RIT2: variants seen among roughly 807,000 people sequenced by gnomAD.
RIT2 encodes Ras like without CAAX 2.
Under a neutral mutation model 23.7 loss-of-function variants are expected in RIT2, and 24 were observed. That is an observed-to-expected ratio of 1.01 (90% CI 0.73 to 1.43). RIT2 has a LOEUF of 1.43. RIT2 is among the 40% of genes most tolerant of loss of function. The pLI, the probability that RIT2 is intolerant of heterozygous loss-of-function variation, is 0.00. For synonymous variants in RIT2, 107 were observed against 91.1 expected (o/e 1.17, Z -0.99); for missense variants, 236 against 266.9 (o/e 0.88, Z 0.81).
intron 3 of RIT2, among the ~76,000 whole-genome samples, chr18:42,928,172 T>C (rs1055542989): frequency 1.3e-5 from 2 of 152,004 alleles, no homozygotes; most frequent in Non-Finnish European, 2.9e-5. Context: ...AATTAATAAG[T>C]CCGTCAGTCA....
intron 4 of RIT2, among the ~76,000 whole-genome samples, chr18:42,914,914 G>T (rs562694797): frequency 1.8e-4 from 27 of 151,872 alleles, no homozygotes; most frequent in African/African-American, 6.0e-4. Context: ...ACATTTGTTT[G>T]TAACTTCTTG....
chr18:43,029,774 G>T (rs964256315), intron 2 of RIT2, among the ~76,000 whole-genome samples: 1 of 151,916 alleles, frequency 6.6e-6, no homozygotes, highest in Non-Finnish European at 1.5e-5. Flanking sequence ...GAGAGCAGAG[G>T]AGTAAGATAA....
intron 4 of RIT2, among the ~76,000 whole-genome samples, chr18:42,763,005 C>T (rs73484668): frequency 1.3e-5 from 2 of 152,166 alleles, no homozygotes; most frequent in African/African-American, 4.8e-5. Context: ...TTAGACGGTA[C>T]AACTTACTAT....
chr18:43,094,329 T>G (rs1200204844), intron 1 of RIT2, among the ~76,000 whole-genome samples: 1 of 151,954 alleles, frequency 6.6e-6, no homozygotes, highest in Non-Finnish European at 1.5e-5. Flanking sequence ...TGCTTATAGA[T>G]TAGCTTCAAA....
chr18:42,905,909 G>GAA (rs552401154), intron 4 of RIT2, among the ~76,000 whole-genome samples: 1 of 131,550 alleles, frequency 7.6e-6, no homozygotes, highest in Non-Finnish European at 1.6e-5. Flanking sequence ...GGCTAAGGAG[G>GAA]AAAAAAAAAA....
chr18:43,044,579 G>A (rs974364808), intron 1 of RIT2, among the ~76,000 whole-genome samples: 1 of 152,192 alleles, frequency 6.6e-6, no homozygotes, highest in Non-Finnish European at 1.5e-5. Flanking sequence ...GGGAATCTGA[G>A]ATTGTGATTT....
chr18:42,878,172 T>C (rs1907793764), intron 4 of RIT2, among the ~76,000 whole-genome samples: 1 of 151,152 alleles, frequency 6.6e-6, no homozygotes, highest in Non-Finnish European at 1.5e-5. Context: ...GGCACTGACC[T>C]CCTGTGAGTG....
intron 4 of RIT2, among the ~76,000 whole-genome samples, chr18:42,896,247 A>G (rs964574358): frequency 6.6e-6 from 1 of 152,214 alleles, no homozygotes. Context: ...CTGGGCAACA[A>G]GAGTGAAACT....
In RIT2 at chr18:42,853,450, C is replaced by T. The variant is rs78626779; in HGVS notation, c.426+70122G>A. ...ATTTGGAATAAATTAATAAAATATT[C>T]CTTGCAGAATTTCTAATATTTTATC... is the stretch of plus-strand genomic sequence containing the variant. On this transcript the variant is annotated intron_variant, in intron 4 of 4. Transcript: ENST00000326695. 1.5e-3 allele frequency among the ~76,000 whole-genome samples: 234 copies of T among 152,212 alleles called. 6 individuals carry two copies. In the East Asian group the frequency reaches 0.04, roughly 26 times the overall value.
intron 4 of RIT2, among the ~76,000 whole-genome samples, chr18:42,800,333 G>A (rs1226159915): frequency 1.3e-5 from 2 of 152,034 alleles, no homozygotes; most frequent in South Asian, 2.1e-4. Context: ...ACTGTATATG[G>A]AATCCGGTTT....
rs564037498 is a variant in RIT2 at position 42,941,045 on chromosome 18, T to C, written c.235-17282A>G. ...ACTCAGGCTTCTAATGCATGTTGTT[T>C]GGCTTTCTGACATTATTCAGCAGAA... On this transcript the variant is annotated intron_variant, in intron 3 of 4. Coordinates refer to ENST00000326695, the MANE Select transcript of RIT2 (RefSeq NM_002930.4). Among the ~76,000 whole-genome samples, 3 of 152,254 alleles carry C rather than the reference T, an allele frequency of 2.0e-5. No homozygotes were observed. The East Asian group carries it at 5.8e-4, about 29-fold the overall frequency.
intron 4 of RIT2, among the ~76,000 whole-genome samples, chr18:42,869,800 C>T (rs1323991689): frequency 6.6e-6 from 1 of 152,200 alleles, no homozygotes; most frequent in African/African-American, 2.4e-5. Context: ...ATAAGTTCTC[C>T]CTTTTTTATG....
At chr18:42,933,967 G>A (rs563459620) in intron 3 of RIT2, among the ~76,000 whole-genome samples, 47 of 144,584 alleles carry the variant, frequency 3.3e-4, no homozygotes, top group African/African-American at 7.5e-4. Context: ...GCAGTGAGCC[G>A]AGATCACACC....
At chr18:42,825,999 C>A (rs1906287614) in intron 4 of RIT2, among the ~76,000 whole-genome samples, 1 of 151,986 alleles carries the variant, frequency 6.6e-6, no homozygotes, top group African/African-American at 2.4e-5. Flanking sequence ...CATTTGACAT[C>A]TCTTTGTAAA....
chr18:42,922,414 C>T (rs915814752), intron 4 of RIT2, among the ~76,000 whole-genome samples: 3 of 152,052 alleles, frequency 2.0e-5, no homozygotes, highest in Admixed American at 1.3e-4. Context: ...CTATTAAAAG[C>T]CAGTTCAAAT....
chr18:43,110,634 AAAG>A (rs1479536646), intron 1 of RIT2, among the ~76,000 whole-genome samples: 2 of 152,142 alleles, frequency 1.3e-5, no homozygotes, highest in Non-Finnish European at 2.9e-5. Flanking sequence ...TAGAAGGCTA[AAAG>A]AAGATGCCTA....
chr18:43,095,939 G>A lies in RIT2; in HGVS notation c.103+19478C>T, dbSNP rs577772586. On this transcript the variant is annotated intron_variant, in intron 1 of 4. Transcript: ENST00000326695. ...CTCAGCTCGCTACTGAAAGATCCTG[G>A]CTTACTAGGAGACAGTAGTAATTTA... Among the ~76,000 whole-genome samples the A allele has an allele frequency of 2.6e-5, 4 of 152,006 alleles. No homozygotes were observed. The East Asian group carries it at 7.7e-4, about 29-fold the overall frequency.
chr18:43,049,791 C>G (rs1296518517), intron 1 of RIT2, among the ~76,000 whole-genome samples: 2 of 151,866 alleles, frequency 1.3e-5, no homozygotes, highest in African/African-American at 4.8e-5. Flanking sequence ...GCTCAGGCAA[C>G]AAGCGGTATT....
chr18:42,889,606 AT>A (rs982984572), intron 4 of RIT2, among the ~76,000 whole-genome samples: 2 of 151,492 alleles, frequency 1.3e-5, no homozygotes, highest in African/African-American at 2.4e-5. Context: ...AAAATCAGTG[AT>A]TTTTTTTTGT....
Sources: gnomAD v4.1 joint callset for allele counts (sites outside exome capture counted in the v4.1 genomes callset) on GRCh38, gnomAD v4.1.1 for gene constraint, MANE v1.5 for transcripts, NCBI Gene and HGNC (gene_info 2026-07-23, HGNC 2026-07-21) for gene names.